SPICE1: variants seen among roughly 807,000 people sequenced by gnomAD.
The protein encoded by SPICE1 is spindle and centriole associated protein 1, also known as spindle and centriole-associated protein 1.
SPICE1 carries 75 observed loss-of-function variants against 102.7 expected under a neutral mutation model. That is an observed-to-expected ratio of 0.73 (90% CI 0.61 to 0.88). The LOEUF (loss-of-function observed/expected upper bound fraction) is 0.88, where lower values mean the gene tolerates loss of function less well. Ranked by LOEUF, SPICE1 falls within the 40% of genes least tolerant of loss-of-function variation. The pLI, the probability that SPICE1 is intolerant of heterozygous loss-of-function variation, is 0.00. For synonymous variants in SPICE1, 308 were observed against 350.3 expected (o/e 0.88, Z 1.35); for missense variants, 979 against 1,020.1 (o/e 0.96, Z 0.55).
At chr3:113,446,726 C>A (rs1467884767) in intron 16 of SPICE1, 50 bp from the exon 17 acceptor site, 1 of 1,420,530 alleles carries the variant, frequency 7.0e-7, no homozygotes, top group Admixed American at 1.8e-5. Flanking sequence ...TCATTATTAA[C>A]CTTAAAAGAT....
intron 14 of SPICE1, 29 bp from the exon 15 acceptor site, chr3:113,450,545 A>C: frequency 6.4e-7 from 1 of 1,553,002 alleles, no homozygotes; most frequent in Non-Finnish European, 8.7e-7. Flanking sequence ...AAAAGTACAA[A>C]TTGAATACTG....
Position 113,497,527 on chromosome 3 carries a change from C to A in SPICE1, c.291+1912G>T, listed in dbSNP as rs374707587. On this transcript the variant is annotated intron_variant, in intron 4 of 17. Transcript: ENST00000295872. ...GCTGGTAGAGAGAAAATACCTGAAT[C>A]CTGATGAGAGCTGAGGTGCTCAACC... Among the ~76,000 whole-genome samples the A allele has an allele frequency of 2.7e-4, 41 of 152,108 alleles. 1 individual carries two copies. Among genetic ancestry groups the A allele is most frequent in the African/African-American group, 8.9e-4 (37 of 41,472 alleles).
intron 7 of SPICE1, among the ~76,000 whole-genome samples, chr3:113,481,696 C>T (rs1027240911): frequency 6.6e-6 from 1 of 151,930 alleles, no homozygotes; most frequent in Non-Finnish European, 1.5e-5. Flanking sequence ...TGTTAGTTTG[C>T]TGAGAATTAT....
chr3:113,462,999 T>C (rs760132541), intron 11 of SPICE1, among the ~76,000 whole-genome samples: 3 of 152,168 alleles, frequency 2.0e-5, no homozygotes, highest in Non-Finnish European at 4.4e-5. Context: ...ATCTCCTTGA[T>C]GACTCTAAGC....
chr3:113,468,061 G>A (rs1279980954), intron 10 of SPICE1, 78 bp downstream of exon 10: 57 of 1,525,238 alleles, frequency 3.7e-5, no homozygotes, highest in Middle Eastern at 1.7e-4. Context: ...TTTATTTGGA[G>A]GTTGCAATAA....
At chr3:113,491,420 AC>A (rs1254802336) in intron 6 of SPICE1, among the ~76,000 whole-genome samples, 2 of 151,880 alleles carry the variant, frequency 1.3e-5, no homozygotes, top group Non-Finnish European at 2.9e-5. Flanking sequence ...GGAGATCGAG[AC>A]CATCCTGGAT....
chr3:113,502,926 G>A (rs1321692323), intron 3 of SPICE1, among the ~76,000 whole-genome samples: 1 of 151,224 alleles, frequency 6.6e-6, no homozygotes, highest in African/African-American at 2.5e-5. Flanking sequence ...ATATATATCA[G>A]GCAGTACTAG....
chr3:113,501,021 C>G (rs62266004), intron 3 of SPICE1, among the ~76,000 whole-genome samples: 1 of 151,928 alleles, frequency 6.6e-6, no homozygotes, highest in Non-Finnish European at 1.5e-5. Context: ...TACTATAAAA[C>G]GACAGTAATC....
intron 6 of SPICE1, among the ~76,000 whole-genome samples, chr3:113,489,896 C>T (rs1330707527): frequency 4.0e-5 from 6 of 150,332 alleles, no homozygotes; most frequent in Admixed American, 4.0e-4. Flanking sequence ...TGTTTTAACT[C>T]CCATAATACT....
At chr3:113,484,811 G>C (rs532270758) in intron 7 of SPICE1, among the ~76,000 whole-genome samples, 1 of 151,738 alleles carries the variant, frequency 6.6e-6, no homozygotes, top group Admixed American at 6.6e-5. Flanking sequence ...GAAAAAGTAC[G>C]ATGAGGTACT....
Position 113,465,677 on chromosome 3 carries a change from A to G in SPICE1, c.1263T>C (p.Leu421=), listed in dbSNP as rs934016593. ...CCTGTGTAGCAGCGTTTTCTTCTCT[A>G]AGACGAAGAATTTCAGCTGTCAGAG... The part of the protein sequence containing the change: ...IDALTAEILR[L]REENAATQAR... The change falls in exon 11 of 18, where the codon CTT becomes CTC. Residue 421 remains leucine (L), a synonymous_variant. Transcript: ENST00000295872. The G allele has an allele frequency of 2.5e-6, 4 of 1,613,644 alleles. No homozygotes were observed. Among genetic ancestry groups the G allele is most frequent in the Non-Finnish European group, 3.4e-6 (4 of 1,179,832 alleles).
chr3:113,511,053 C>T (rs1236160874), intron 1 of SPICE1, among the ~76,000 whole-genome samples: 3 of 152,290 alleles, frequency 2.0e-5, no homozygotes, highest in South Asian at 4.1e-4. Flanking sequence ...ATCAAAACTA[C>T]AGTGAGATAC....
intron 2 of SPICE1, among the ~76,000 whole-genome samples, chr3:113,505,003 A>G (rs146488050): frequency 6.6e-6 from 1 of 152,350 alleles, no homozygotes; most frequent in African/African-American, 2.4e-5. Flanking sequence ...TTAAGTTTTA[A>G]GCAATAGTGG....
chr3:113,512,400 GCTTT>G (rs1430703694), intron 1 of SPICE1, among the ~76,000 whole-genome samples: 3 of 139,544 alleles, frequency 2.1e-5, no homozygotes, highest in African/African-American at 5.3e-5. Context: ...GCACTGAAAA[GCTTT>G]CTTTTTTTTT....
intron 7 of SPICE1, among the ~76,000 whole-genome samples, chr3:113,483,725 G>A (rs1388162287): frequency 1.3e-5 from 2 of 152,198 alleles, no homozygotes; most frequent in African/African-American, 2.4e-5. Context: ...CAGGGATGAA[G>A]CCAACTTGAT....
chr3:113,473,810 CG>C (rs1936267396), intron 7 of SPICE1, among the ~76,000 whole-genome samples: 1 of 151,694 alleles, frequency 6.6e-6, no homozygotes, highest in African/African-American at 2.4e-5. Flanking sequence ...AAGGAACAAC[CG>C]GTACCAGCCG....
chr3:113,498,535 T>C (rs1396407129), intron 4 of SPICE1, among the ~76,000 whole-genome samples: 1 of 152,194 alleles, frequency 6.6e-6, no homozygotes, highest in Non-Finnish European at 1.5e-5. Context: ...AAAAGATACT[T>C]ACCTGTAAAG....
chr3:113,487,926 G>A (rs75657071), intron 7 of SPICE1, among the ~76,000 whole-genome samples: 5,244 of 152,066 alleles, frequency 0.034, 304 homozygotes, highest in African/African-American at 0.12. Context: ...TCAAACTAGA[G>A]GGAATTCTGT....
At chr3:113,494,867 T>C (rs113172941) in intron 4 of SPICE1, among the ~76,000 whole-genome samples, 108 of 152,178 alleles carry the variant, frequency 7.1e-4, no homozygotes, top group Non-Finnish European at 1.5e-4. Context: ...AATCCATAGT[T>C]TGAAAAACAC....
Sources: gnomAD v4.1 joint callset for allele counts (sites outside exome capture counted in the v4.1 genomes callset) on GRCh38, gnomAD v4.1.1 for gene constraint, MANE v1.5 for transcripts, NCBI Gene and HGNC (gene_info 2026-07-23, HGNC 2026-07-21) for gene names.